Variants in NAV3 observed in about 807,000 individuals in gnomAD.
NAV3 encodes pore membrane and/or filament interacting like protein 1.
In NAV3, 87 loss-of-function variants were observed where a neutral mutation model predicts 244.7. That is an observed-to-expected ratio of 0.36 (90% CI 0.30 to 0.42). The LOEUF (loss-of-function observed/expected upper bound fraction) is 0.42. Among genes scored for constraint, NAV3 ranks in the 20% least tolerant of loss-of-function variants. The probability of loss-of-function intolerance (pLI) is 1.00; values close to 1 mark genes in which losing one functional copy is unlikely to be tolerated. For missense variants in NAV3, 2,663 were observed against 2,893.3 expected, an observed-to-expected ratio of 0.92 and a Z score of 1.83; for synonymous variants, 1,126 against 1,042.2, an observed-to-expected ratio of 1.08 and a Z score of -1.55.
intron 2 of NAV3, among the ~76,000 whole-genome samples, chr12:77,639,278 G>T (rs1051969950): frequency 1.3e-5 from 2 of 152,126 alleles, no homozygotes; most frequent in East Asian, 1.9e-4. Context: ...TTAGTCAGGT[G>T]TACTTGTCTA....
At chr12:77,662,257 C>CTATA (rs1873495168) in intron 2 of NAV3, among the ~76,000 whole-genome samples, 1 of 151,522 alleles carries the variant, frequency 6.6e-6, no homozygotes, top group South Asian at 2.1e-4. Context: ...ATCTATCTAT[C>CTATA]TATCTATATC....
intron 2 of NAV3, among the ~76,000 whole-genome samples, chr12:77,667,623 C>T (rs544045914): frequency 6.6e-6 from 1 of 152,248 alleles, no homozygotes; most frequent in South Asian, 2.1e-4. Context: ...AGACTCTGAG[C>T]TCAGACATAC....
At chr12:77,671,678 C>G (rs1048764082) in intron 2 of NAV3, among the ~76,000 whole-genome samples, 1 of 151,940 alleles carries the variant, frequency 6.6e-6, no homozygotes, top group Admixed American at 6.6e-5. Flanking sequence ...ACACCCTATT[C>G]GACAAATGAT....
At chr12:78,167,967 A>G (rs1957848104) in intron 23 of NAV3, among the ~76,000 whole-genome samples, 1 of 151,240 alleles carries the variant, frequency 6.6e-6, no homozygotes, top group Non-Finnish European at 1.5e-5. Flanking sequence ...AATTTGTGCA[A>G]ATATTTTTAT....
At chr12:77,632,596 G>C (rs1871964106) in intron 2 of NAV3, among the ~76,000 whole-genome samples, 5 of 152,244 alleles carry the variant, frequency 3.3e-5, no homozygotes, top group Admixed American at 3.3e-4. Flanking sequence ...GGAATTGTGG[G>C]AGCTACAATT....
At chr12:78,162,902 AAATATATATATTATATAAT>A (rs1379687992) in intron 23 of NAV3, among the ~76,000 whole-genome samples, 13 of 128,764 alleles carry the variant, frequency 1.0e-4, no homozygotes, top group East Asian at 4.1e-4. Context: ...ATATATATAT[AAATATATATATTATATAAT>A]ATATATATAA....
At chr12:77,954,111 C>G (rs531047212) in intron 3 of NAV3, among the ~76,000 whole-genome samples, 1 of 152,222 alleles carries the variant, frequency 6.6e-6, no homozygotes, top group East Asian at 1.9e-4. Flanking sequence ...GTTAATCTAC[C>G]ACCATGTAAA....
intron 2 of NAV3, among the ~76,000 whole-genome samples, chr12:77,751,817 A>C (rs2135802041): frequency 6.6e-6 from 1 of 152,324 alleles, no homozygotes; most frequent in South Asian, 2.1e-4. Context: ...GTTCAATTGA[A>C]GTTTTTTTCT....
At chr12:77,857,648 G>A (rs2136302351) in intron 1 of NAV3, among the ~76,000 whole-genome samples, 1 of 151,626 alleles carries the variant, frequency 6.6e-6, no homozygotes, top group East Asian at 1.9e-4. Context: ...TTACTTTAGT[G>A]TGAAAAAAAG....
chr12:77,843,834 A>T (rs199892454), intron 1 of NAV3, among the ~76,000 whole-genome samples: 5 of 78,672 alleles, frequency 6.4e-5, no homozygotes, highest in African/African-American at 1.1e-4. Context: ...TGTCTTGTTT[A>T]AAAAAAAAAA....
chr12:77,668,972 A>G (rs1192074438), intron 2 of NAV3, among the ~76,000 whole-genome samples: 2 of 152,242 alleles, frequency 1.3e-5, no homozygotes, highest in African/African-American at 2.4e-5. Context: ...CCTACAAGCT[A>G]GAAGGGAATG....
Position 78,210,898 on chromosome 12 carries a change from G to A in NAV3, c.*381G>A, listed in dbSNP as rs1390221407. 1 of 211,996 alleles carries A rather than the reference G, an allele frequency of 4.7e-6. No individual in the cohort carries two copies. The highest frequency in any genetic ancestry group is 9.5e-6 in the Non-Finnish European group (1 of 105,610). 13.1% of individuals were successfully genotyped at this position (211,996 alleles called of 1,614,324 possible). A position where few individuals can be genotyped will look rare whatever the true frequency, so the allele number is the denominator to read the frequency against. ...GTCCCTTCCTTTTGTTTCCTCTGAG[G>A]GGCTGTTCGCCCCAGGCAGGGTCCA... is the stretch of plus-strand genomic sequence containing the variant. On this transcript the variant is annotated 3_prime_UTR_variant, in exon 40 of 40. Coordinates refer to ENST00000397909, the MANE Select transcript of NAV3 (RefSeq NM_001024383.2).
At chr12:77,662,227 G>GTCTA (rs71088326) in intron 2 of NAV3, among the ~76,000 whole-genome samples, 66,116 of 145,602 alleles carry the variant, frequency 0.45, 15,760 homozygotes, top group South Asian at 0.59. Context: ...ATATCTATCT[G>GTCTA]TCTATCTATC....
chr12:77,720,155 TTCTCTC>T (rs71088328), intron 2 of NAV3, among the ~76,000 whole-genome samples: 1 of 151,256 alleles, frequency 6.6e-6, no homozygotes, highest in African/African-American at 2.4e-5. Context: ...TTACTTGAGT[TTCTCTC>T]TCTCTCTCTC....
chr12:77,782,910 G>A (rs745904430), intron 2 of NAV3, among the ~76,000 whole-genome samples: 3 of 151,824 alleles, frequency 2.0e-5, no homozygotes, highest in African/African-American at 7.3e-5. Context: ...TGTGAAAATT[G>A]AACATATGCT....
chr12:77,916,487 A>G (rs972365167), intron 1 of NAV3, among the ~76,000 whole-genome samples: 3 of 151,846 alleles, frequency 2.0e-5, no homozygotes, highest in Non-Finnish European at 4.4e-5. Flanking sequence ...AAAGGCTATT[A>G]GGCATGTGTT....
At chr12:78,021,698 A>G (rs779947276) in intron 8 of NAV3, 49 bp from the exon 9 acceptor site, 38 of 1,242,636 alleles carry the variant, frequency 3.1e-5, no homozygotes, top group Non-Finnish European at 4.3e-5. Flanking sequence ...TTGATGAGTG[A>G]CTAGTGACTA....
intron 2 of NAV3, among the ~76,000 whole-genome samples, chr12:77,736,119 A>G (rs35553305): frequency 0.03 from 4,538 of 152,326 alleles, 118 homozygotes; most frequent in South Asian, 0.12. Context: ...GATATAGACA[A>G]GTAAACATAT....
At chr12:77,592,906 TA>T (rs1267230622) in intron 2 of NAV3, among the ~76,000 whole-genome samples, 1 of 152,238 alleles carries the variant, frequency 6.6e-6, no homozygotes, top group African/African-American at 2.4e-5. Context: ...CCAGAGGCTT[TA>T]GAAAATACCA....
Sources: allele counts gnomAD v4.1 joint callset (sites outside exome capture counted in the v4.1 genomes callset), GRCh38; gene constraint gnomAD v4.1.1; transcripts MANE v1.5; gene names NCBI Gene and HGNC (gene_info 2026-07-23, HGNC 2026-07-21).